DNAAF3: variants seen among roughly 807,000 people sequenced by gnomAD.
DNAAF3 encodes the protein dynein axonemal assembly factor 3, also known as UPF0470 protein C19orf51.
A neutral mutation model predicts 50.9 loss-of-function variants in DNAAF3; 40 were observed. That is an observed-to-expected ratio of 0.79 (90% CI 0.61 to 1.02). DNAAF3 has a LOEUF of 1.02. Ranked by LOEUF, DNAAF3 falls within the 50% of genes least tolerant of loss-of-function variation. The pLI is 0.00. For synonymous variants in DNAAF3, 327 were observed against 322.8 expected, an observed-to-expected ratio of 1.01 and a Z score of -0.14; for missense variants, 763 against 744.7, an observed-to-expected ratio of 1.02 and a Z score of -0.29.
At position 55,160,975 on chromosome 19, in the gene DNAAF3, T is replaced by TG; in HGVS notation, c.912+89dup. ...CCAAGCGACGGGCGGGGTCTGGAGC[T>TG]GGGGGCGGGGCCTGCTGTGGGGGCG... On this transcript the variant is annotated intron_variant, in intron 8 of 11. Coordinates refer to ENST00000524407, the MANE Select transcript of DNAAF3 (RefSeq NM_001256715.2). The surrounding 1 kb of genome is among the most constrained non-coding windows in gnomAD (Gnocchi z 4.7). The TG allele has an allele frequency of 3.4e-6, 5 of 1,458,824 alleles. No homozygotes were observed. Among genetic ancestry groups the TG allele is most frequent in the Non-Finnish European group, 4.5e-6 (5 of 1,108,874 alleles). The allele number at this position is 1,458,824 out of a possible 1,614,324, so 90.4% of individuals were successfully genotyped here. A position where few individuals can be genotyped will look rare whatever the true frequency, so the allele number is the denominator to read the frequency against.
Position 55,166,422 on chromosome 19 carries a change from G to A in DNAAF3, c.-4-5C>T. 1 of 1,613,870 alleles carries A rather than the reference G, an allele frequency of 6.2e-7. No individual in the cohort carries two copies. The highest frequency in any genetic ancestry group is 8.5e-7 in the Non-Finnish European group (1 of 1,179,868). ...CCGGCAGGTGTGGTCATCACCCTGC[G>A]GAAAAGACATTCTGGGAATCGCACA... On this transcript the variant is annotated splice_region_variant and splice_polypyrimidine_tract_variant and intron_variant, in intron 1 of 11. Coordinates refer to ENST00000524407, the MANE Select transcript of DNAAF3 (RefSeq NM_001256715.2). The surrounding 1 kb of genome is among the most constrained non-coding windows in gnomAD (Gnocchi z 4.0).
rs543007128 is a variant in DNAAF3, at chr19:55,160,657, G to A, written c.1031C>T (p.Pro344Leu). Residue 344 changes from proline (P) to leucine (L), a missense_variant, in exon 9 of 12, where the codon CCG (proline) becomes CTG (leucine). By Grantham distance (98) the Pro-to-Leu change is moderately conservative. Coordinates refer to ENST00000524407, the MANE Select transcript of DNAAF3 (RefSeq NM_001256715.2). The surrounding 1 kb of genome is among the most constrained non-coding windows in gnomAD (Gnocchi z 4.7). ...LEEQQHAEGS[P>L]EPGTPAAPTP... ...TGGCTTACCTGGAGTCCCTGGCTCCGGGCTTCCCTCCGCGTGCTGCTGCTC... is the reference window on the plus strand; with the variant it reads ...TGGCTTACCTGGAGTCCCTGGCTCCAGGCTTCCCTCCGCGTGCTGCTGCTC... The A allele has an allele frequency of 1.9e-6, 3 of 1,613,750 alleles. No homozygotes were observed. The highest frequency in any genetic ancestry group is 2.2e-5 in the East Asian group (1 of 44,850).
In DNAAF3 at chr19:55,160,927, T is replaced by C. The variant is rs2085815179; in HGVS notation, c.912+138A>G. 1.6e-5 allele frequency: 23 copies of C among 1,449,948 alleles called. No homozygotes were observed. The highest frequency in any genetic ancestry group is 2.0e-5 in the Non-Finnish European group (22 of 1,103,268). The allele number at this position is 1,449,948 out of a possible 1,614,324, so 89.8% of individuals were successfully genotyped here. On this transcript the variant is annotated intron_variant, in intron 8 of 11. Coordinates refer to ENST00000524407, the MANE Select transcript of DNAAF3 (RefSeq NM_001256715.2). This position sits in a 1 kb window ranked among gnomAD's most constrained non-coding sequence, Gnocchi z 4.7. ...ACCTATCCCGCGGGGATGGGGCCTGTTCTCTGAATGGAGTCGTTCCCACCA... is the reference window on the plus strand; with the variant it reads ...ACCTATCCCGCGGGGATGGGGCCTGCTCTCTGAATGGAGTCGTTCCCACCA...
At position 55,161,662 on chromosome 19, in the gene DNAAF3, A is replaced by C; in HGVS notation, c.644T>G (p.Met215Arg). 1 of 1,538,704 alleles carries C rather than the reference A, an allele frequency of 6.5e-7. No individual in the cohort carries two copies. The highest frequency in any genetic ancestry group is 8.7e-7 in the Non-Finnish European group (1 of 1,146,240). The change falls in exon 6 of 12, where the codon ATG becomes AGG. Residue 215 changes from methionine to arginine, a missense_variant. Transcript: ENST00000524407. The surrounding 1 kb of genome is among the most constrained non-coding windows in gnomAD (Gnocchi z 6.4). ...CCTCACCCCGCGGTCATGCAGCTTCATGCGCAGGTCCCAGTCGCTGACACC... is the reference window on the plus strand; with the variant it reads ...CCTCACCCCGCGGTCATGCAGCTTCCTGCGCAGGTCCCAGTCGCTGACACC... ...RRGVSDWDLR[M>R]KLHDRGAQVI...
rs1164581047 is a variant in DNAAF3 at position 55,165,021 on chromosome 19, CTTTTTTTTTTTT to C, written c.322+337_322+348del. On this transcript the variant is annotated intron_variant, in intron 4 of 11. Transcript: ENST00000524407. ...TGGTTTTTAGATGGAGTTTCGCTCTCTTTTTTTTTTTTTTTTTTTTTTTTTTGAGACGGAGTC... is the reference window on the plus strand; with the variant it reads ...TGGTTTTTAGATGGAGTTTCGCTCTCTTTTTTTTTTTTTTGAGACGGAGTC... Among the ~76,000 whole-genome samples the C allele has an allele frequency of 1.6e-3, 134 of 84,572 alleles. 1 individual carries two copies. Among genetic ancestry groups the C allele is most frequent in the African/African-American group, 4.5e-3 (85 of 18,932 alleles). 55.5% of individuals were successfully genotyped at this position (84,572 alleles called of 152,430 possible). A position where few individuals can be genotyped will look rare whatever the true frequency, so the allele number is the denominator to read the frequency against.
At chr19:55,163,891 G>A (rs192051364) in intron 4 of DNAAF3, among the ~76,000 whole-genome samples, 3 of 152,188 alleles carry the variant, frequency 2.0e-5, no homozygotes, top group Non-Finnish European at 4.4e-5. Flanking sequence ...GTTTGGATCT[G>A]TGTCCCTGCT....
chr19:55,164,576 G>A (rs1457112115), intron 4 of DNAAF3, among the ~76,000 whole-genome samples: 2 of 151,880 alleles, frequency 1.3e-5, no homozygotes, highest in Admixed American at 6.6e-5. Context: ...CCAGGCTGGA[G>A]TGCAGTGGTG....
chr19:55,161,779 C>A lies in DNAAF3; in HGVS notation c.527G>T (p.Gly176Val). ...GAACGCCTGGGGCCCTTTCTCGCCG[C>A]CAGCCCAGAAGCGGAATACGGCCTC... is the stretch of plus-strand genomic sequence containing the variant. ...ALEAVFRFWAGGEKGPQAFPM... is the reference protein window; with the variant it reads ...ALEAVFRFWAVGEKGPQAFPM... The change falls in exon 6 of 12, where the codon GGC becomes GTC. Residue 176 changes from glycine (G) to valine (V), a missense_variant. By Grantham distance (109) the Gly-to-Val change is moderately radical. Transcript: ENST00000524407. The surrounding 1 kb of genome is among the most constrained non-coding windows in gnomAD (Gnocchi z 6.4). The A allele has an allele frequency of 6.7e-7, 1 of 1,499,812 alleles. No homozygotes were observed. The highest frequency in any genetic ancestry group is 8.9e-7 in the Non-Finnish European group (1 of 1,126,154). 92.9% of individuals were successfully genotyped at this position (1,499,812 alleles called of 1,614,324 possible). A position where few individuals can be genotyped will look rare whatever the true frequency, so the allele number is the denominator to read the frequency against.
rs1306424665 is a variant in DNAAF3, at chr19:55,165,985, G to A, written c.101C>T (p.Pro34Leu). 1.8e-5 allele frequency: 29 copies of A among 1,614,238 alleles called. No individual in the cohort carries two copies. The highest frequency in any genetic ancestry group is 2.5e-5 in the Non-Finnish European group (29 of 1,180,042). The change falls in exon 3 of 12, where the codon CCA becomes CTA. Residue 34 changes from proline to leucine, a missense_variant. By Grantham distance (98) the Pro-to-Leu change is moderately conservative. Coordinates refer to ENST00000524407, the MANE Select transcript of DNAAF3 (RefSeq NM_001256715.2). ...GTGCACTGTATCGGCCTGGGAGTCT[G>A]GGTCCACAGGAGGACCTGGCAAGAT... ...DLQAESPPVD[P>L]DSQADTVHSN...
chr19:55,164,101 T>C (rs2085893553), intron 4 of DNAAF3, among the ~76,000 whole-genome samples: 1 of 152,178 alleles, frequency 6.6e-6, no homozygotes, highest in South Asian at 2.1e-4. Context: ...CTGCATCCCC[T>C]TCGCCTCCTG....
chr19:55,160,726 AC>A lies in DNAAF3; in HGVS notation c.961del (p.Val321TrpfsTer87). 6.2e-7 allele frequency: 1 copy of A among 1,612,904 alleles called. No individual in the cohort carries two copies. Among genetic ancestry groups the A allele is most frequent in the Non-Finnish European group, 8.5e-7 (1 of 1,179,850 alleles). On this transcript the variant is annotated frameshift_variant, in exon 9 of 12. Transcript: ENST00000524407. LOFTEE classifies it high-confidence loss of function. This position sits in a 1 kb window ranked among gnomAD's most constrained non-coding sequence, Gnocchi z 4.7. ...GGCTCTCGCGCGCCCCCAGGCGGCC[AC>A]GTCGCGGAGCAGCTCCGTCACGTTG... ...QHNVTELLRD[V>X]AAWGRARATG...
rs957023679 is a variant in DNAAF3 at position 55,162,310 on chromosome 19, A to C, written c.323-20T>G. 1.4e-4 allele frequency: 174 copies of C among 1,249,702 alleles called. No individual in the cohort carries two copies. Among genetic ancestry groups the C allele is most frequent in the Non-Finnish European group, 1.7e-4 (172 of 988,488 alleles). 77.4% of individuals were successfully genotyped at this position (1,249,702 alleles called of 1,614,324 possible). On this transcript the variant is annotated intron_variant, in intron 4 of 11. Coordinates refer to ENST00000524407, the MANE Select transcript of DNAAF3 (RefSeq NM_001256715.2). ...TTCGCTCTACGGAGAGAGGGAGATA[A>C]TTGCGGGAATGTGTGGAGGAGGGAG...
rs372166228 is a variant in DNAAF3 at position 55,165,853 on chromosome 19, C to T, written c.228+5G>A. 6.2e-7 allele frequency: 1 copy of T among 1,613,748 alleles called. No individual in the cohort carries two copies. Among genetic ancestry groups the T allele is most frequent in the Non-Finnish European group, 8.5e-7 (1 of 1,179,878 alleles). On this transcript the variant is annotated splice_donor_5th_base_variant and intron_variant, in intron 3 of 11. Coordinates refer to ENST00000524407, the MANE Select transcript of DNAAF3 (RefSeq NM_001256715.2). ...ATCTGGGCTCTCATCTTCATCCCAG[C>T]TCACGTTGAACCTCCTGCGAGGCCA... is the stretch of plus-strand genomic sequence containing the variant.
rs1261705988 is a variant in DNAAF3 at position 55,159,022 on chromosome 19, G to A, written c.*40C>T. 3 of 1,531,556 alleles carry A rather than the reference G, an allele frequency of 2.0e-6. No homozygotes were observed. Among genetic ancestry groups the A allele is most frequent in the Non-Finnish European group, 2.6e-6 (3 of 1,142,122 alleles). The allele number at this position is 1,531,556 out of a possible 1,614,324, so 94.9% of individuals were successfully genotyped here. On this transcript the variant is annotated 3_prime_UTR_variant, in exon 12 of 12. Transcript: ENST00000524407. Reference sequence around the variant, plus strand: ...TCAGCGGGTTCTCATCCTACAACCTGACTTTGGAAGTTGGAGATAAGGGGT... The same window carrying A: ...TCAGCGGGTTCTCATCCTACAACCTAACTTTGGAAGTTGGAGATAAGGGGT...
chr19:55,161,745 G>C lies in DNAAF3; in HGVS notation c.561C>G (p.Ser187Arg). The C allele has an allele frequency of 6.5e-7, 1 of 1,536,430 alleles. No individual in the cohort carries two copies. Among genetic ancestry groups the C allele is most frequent in the Non-Finnish European group, 8.7e-7 (1 of 1,144,200 alleles). Residue 187 changes from serine to arginine, a missense_variant, in exon 6 of 12, where the codon AGC becomes AGG. Ser to Arg is a moderately radical substitution (Grantham distance 110). Coordinates refer to ENST00000524407, the MANE Select transcript of DNAAF3 (RefSeq NM_001256715.2). The surrounding 1 kb of genome is among the most constrained non-coding windows in gnomAD (Gnocchi z 6.4). ...GEKGPQAFPM[S>R]RLWDSRLRHY... ...GGCGCAGGCGCGAGTCCCAGAGGCG[G>C]CTCATGGGGAACGCCTGGGGCCCTT...
At position 55,160,853 on chromosome 19, in the gene DNAAF3, C is replaced by A; in HGVS notation, c.913-78G>T. On this transcript the variant is annotated intron_variant, in intron 8 of 11. Coordinates refer to ENST00000524407, the MANE Select transcript of DNAAF3 (RefSeq NM_001256715.2). This position sits in a 1 kb window ranked among gnomAD's most constrained non-coding sequence, Gnocchi z 4.7. ...GCTTAGAACGCTGGGAGTCCTCGGT[C>A]CAGGACTAGAACTCCCGCAGCTGCT... The A allele has an allele frequency of 1.3e-6, 2 of 1,536,546 alleles. No individual in the cohort carries two copies. The highest frequency in any genetic ancestry group is 2.3e-5 in the South Asian group (2 of 85,310).
chr19:55,161,183 C>A lies in DNAAF3; in HGVS notation c.794G>T (p.Gly265Val). 1 of 1,573,836 alleles carries A rather than the reference C, an allele frequency of 6.4e-7. No individual in the cohort carries two copies. The highest frequency in any genetic ancestry group is 2.4e-5 in the East Asian group (1 of 42,394). ...GTACCCGCGCGCTGCCACGCGCTCC[C>A]CACGCTGGAAAAGGAGGGAGAGAGG... is the stretch of plus-strand genomic sequence containing the variant. Reference protein sequence around the residue: ...LASGRLLSYRGERVAARGYWG... With the variant: ...LASGRLLSYRVERVAARGYWG... The change falls in exon 8 of 12, where the codon GGG (glycine) becomes GTG (valine). Residue 265 changes from glycine to valine, a missense_variant. Transcript: ENST00000524407. This position sits in a 1 kb window ranked among gnomAD's most constrained non-coding sequence, Gnocchi z 6.4.
At position 55,161,890 on chromosome 19, in the gene DNAAF3, A is replaced by C; in HGVS notation, c.481-65T>G. 1 of 1,372,216 alleles carries C rather than the reference A, an allele frequency of 7.3e-7. No individual in the cohort carries two copies. Among genetic ancestry groups the C allele is most frequent in the South Asian group, 1.6e-5 (1 of 62,460 alleles). The allele number at this position is 1,372,216 out of a possible 1,614,324, so 85.0% of individuals were successfully genotyped here. ...GAGGGATGCAGGGAGAGCGGATTCTAATTGACCCTCTCTTCCATCCCAGAA... is the reference window on the plus strand; with the variant it reads ...GAGGGATGCAGGGAGAGCGGATTCTCATTGACCCTCTCTTCCATCCCAGAA... On this transcript the variant is annotated intron_variant, in intron 5 of 11. Transcript: ENST00000524407. This position sits in a 1 kb window ranked among gnomAD's most constrained non-coding sequence, Gnocchi z 6.4.
intron 4 of DNAAF3, among the ~76,000 whole-genome samples, chr19:55,163,314 T>A (rs1281166103): frequency 1.3e-4 from 13 of 98,452 alleles, no homozygotes; most frequent in African/African-American, 4.7e-4. Context: ...GGCGGCTAAT[T>A]TTTTTTTTTT....
Sources: allele counts gnomAD v4.1 joint callset (sites outside exome capture counted in the v4.1 genomes callset), GRCh38; gene constraint gnomAD v4.1.1; non-coding constraint Gnocchi (gnomAD v3.1); transcripts MANE v1.5; gene names NCBI Gene and HGNC (gene_info 2026-07-23, HGNC 2026-07-21).